SYN2: variants seen among roughly 807,000 people sequenced by gnomAD.
SYN2 encodes the protein synapsin II.
SYN2 carries 19 observed loss-of-function variants against 50.9 expected under a neutral mutation model. The ratio of observed to expected loss-of-function variants is 0.37; its 90% CI spans 0.26 to 0.55. The LOEUF (loss-of-function observed/expected upper bound fraction) is 0.55. SYN2 is among the 20% of genes least tolerant of loss of function. The probability of loss-of-function intolerance (pLI) is 0.81; values close to 1 mark genes in which losing one functional copy is unlikely to be tolerated. For synonymous variants in SYN2, 255 were observed against 224.9 expected, an observed-to-expected ratio of 1.13 and a Z score of -1.20; for missense variants, 587 against 576.4, an observed-to-expected ratio of 1.02 and a Z score of -0.19.
chr3:12,182,962 G>A (rs1292188400), intron 10 of SYN2, among the ~76,000 whole-genome samples: 2 of 152,224 alleles, frequency 1.3e-5, no homozygotes, highest in African/African-American at 4.8e-5. Flanking sequence ...AGCTGGACTT[G>A]GACAGGCATC....
At chr3:12,113,243 C>CA (rs1229789813) in intron 1 of SYN2, among the ~76,000 whole-genome samples, 2 of 151,986 alleles carry the variant, frequency 1.3e-5, no homozygotes, top group African/African-American at 2.4e-5. Flanking sequence ...GAAGAGTGTA[C>CA]GTATGTAACC....
chr3:12,052,549 TATG>T (rs1694888522), intron 1 of SYN2, among the ~76,000 whole-genome samples: 1 of 152,190 alleles, frequency 6.6e-6, no homozygotes, highest in Non-Finnish European at 1.5e-5. Flanking sequence ...AATACAAATT[TATG>T]GAGAAGGAAT....
At chr3:12,011,671 G>C in intron 1 of SYN2, among the ~76,000 whole-genome samples, 1 of 152,196 alleles carries the variant, frequency 6.6e-6, no homozygotes, top group South Asian at 2.1e-4. Flanking sequence ...AAAAGACTTC[G>C]AATTGAGATC....
At chr3:12,109,447 GT>G (rs1383091187) in intron 1 of SYN2, among the ~76,000 whole-genome samples, 1 of 152,076 alleles carries the variant, frequency 6.6e-6, no homozygotes, top group Non-Finnish European at 1.5e-5. Context: ...GATTGAGAAA[GT>G]TTTTTTACCT....
intron 1 of SYN2, among the ~76,000 whole-genome samples, chr3:12,064,677 A>C (rs567533632): frequency 6.6e-6 from 1 of 152,260 alleles, no homozygotes; most frequent in East Asian, 1.9e-4. Flanking sequence ...CCACAATGAG[A>C]TATAACTTTA....
Position 12,145,867 on chromosome 3 carries a change from G to A in SYN2, c.684+32G>A, listed in dbSNP as rs751030194. The A allele has an allele frequency of 1.6e-5, 25 of 1,611,782 alleles. 2 individuals carry two copies. The Admixed American group carries it at 3.5e-4, about 23-fold the overall frequency. ...GAGGCCCCCTTCCCCCAAGTAAAAGGGTAGGATTCAGGCCCTACATCTCCC... is the reference window on the plus strand; with the variant it reads ...GAGGCCCCCTTCCCCCAAGTAAAAGAGTAGGATTCAGGCCCTACATCTCCC... On this transcript the variant is annotated intron_variant, in intron 4 of 12. Coordinates refer to ENST00000621198, the MANE Select transcript of SYN2 (RefSeq NM_133625.6).
intron 7 of SYN2, among the ~76,000 whole-genome samples, chr3:12,166,325 A>G (rs1429632342): frequency 6.6e-6 from 1 of 152,242 alleles, no homozygotes; most frequent in Non-Finnish European, 1.5e-5. Context: ...AAGGCTGATA[A>G]TTAAAAAGAC....
chr3:12,097,566 A>G (rs1362446003), intron 1 of SYN2, among the ~76,000 whole-genome samples: 1 of 151,400 alleles, frequency 6.6e-6, no homozygotes, highest in African/African-American at 2.4e-5. Context: ...AGATCACACC[A>G]CTGCACTCCA....
rs891246985 is a variant in SYN2, at chr3:12,128,202, C to G, written c.378-12449C>G. Among the ~76,000 whole-genome samples, 8 of 152,190 alleles carry G rather than the reference C, an allele frequency of 5.3e-5. 1 individual carries two copies. Among genetic ancestry groups the G allele is most frequent in the African/African-American group, 1.9e-4 (8 of 41,436 alleles). ...TCAAGTAATCCTCCCGCCTCAGTCTCCACAAGTGCTGGGATTACAGGTGTG... is the reference window on the plus strand; with the variant it reads ...TCAAGTAATCCTCCCGCCTCAGTCTGCACAAGTGCTGGGATTACAGGTGTG... On this transcript the variant is annotated intron_variant, in intron 1 of 12. Transcript: ENST00000621198.
chr3:12,142,016 C>A lies in SYN2; in HGVS notation c.527+20C>A, dbSNP rs370255331. The stretch of plus-strand genomic sequence containing the variant: ...TGTCCGGTAAGGGTCTTTCTGTCCT[C>A]AGGATCATTGTGACTGTCTCCAGAG... On this transcript the variant is annotated intron_variant, in intron 3 of 12. Coordinates refer to ENST00000621198, the MANE Select transcript of SYN2 (RefSeq NM_133625.6). 6.4e-6 allele frequency: 5 copies of A among 780,510 alleles called. No homozygotes were observed. In the East Asian group the frequency reaches 9.7e-5, roughly 15 times the overall value. The allele number at this position is 780,510 out of a possible 1,614,324, so 48.3% of individuals were successfully genotyped here. A position where few individuals can be genotyped will look rare whatever the true frequency, so the allele number is the denominator to read the frequency against.
At chr3:12,041,988 T>G (rs975440348) in intron 1 of SYN2, among the ~76,000 whole-genome samples, 1 of 152,224 alleles carries the variant, frequency 6.6e-6, no homozygotes, top group Non-Finnish European at 1.5e-5. Flanking sequence ...AATGCTAGCA[T>G]TGGTCACAGC....
rs1345936028 is a variant in SYN2 at position 12,146,006 on chromosome 3, T to C, written c.684+171T>C. Among the ~76,000 whole-genome samples the C allele has an allele frequency of 2.0e-5, 3 of 152,240 alleles. No homozygotes were observed. The East Asian group carries it at 5.8e-4, about 29-fold the overall frequency. On this transcript the variant is annotated intron_variant, in intron 4 of 12. Transcript: ENST00000621198. ...GCAGTTGGCCCCAGCTAAGAGGATG[T>C]GAGAGGAGCTTCCCCTGGGACATGG... is the stretch of plus-strand genomic sequence containing the variant.
intron 5 of SYN2, chr3:12,159,036 T>C: frequency 4.4e-6 from 3 of 684,110 alleles, no homozygotes; most frequent in South Asian, 4.5e-5. Context: ...TCTTCCGACC[T>C]GCATACTCAG....
At chr3:12,069,631 A>G (rs1695298046) in intron 1 of SYN2, among the ~76,000 whole-genome samples, 1 of 152,016 alleles carries the variant, frequency 6.6e-6, no homozygotes, top group South Asian at 2.1e-4. Flanking sequence ...TAATGTTTTG[A>G]GGAACTGCCA....
At chr3:12,048,926 A>G (rs1179642603) in intron 1 of SYN2, among the ~76,000 whole-genome samples, 1 of 152,180 alleles carries the variant, frequency 6.6e-6, no homozygotes, top group African/African-American at 2.4e-5. Flanking sequence ...TATGGATTTT[A>G]CAATCACTTG....
chr3:12,035,284 C>T (rs1694474082), intron 1 of SYN2, among the ~76,000 whole-genome samples: 1 of 152,204 alleles, frequency 6.6e-6, no homozygotes, highest in African/African-American at 2.4e-5. Flanking sequence ...GGGCTCAGTC[C>T]ATGCAGCAGC....
intron 1 of SYN2, among the ~76,000 whole-genome samples, chr3:12,064,223 T>C (rs1695165846): frequency 6.6e-6 from 1 of 151,818 alleles, no homozygotes; most frequent in Non-Finnish European, 1.5e-5. Flanking sequence ...ATTAAAACTG[T>C]CAAAATTATC....
At chr3:12,086,147 C>T (rs987028140) in intron 1 of SYN2, among the ~76,000 whole-genome samples, 9 of 151,954 alleles carry the variant, frequency 5.9e-5, no homozygotes, top group Non-Finnish European at 1.0e-4. Context: ...TTCCTAAAAA[C>T]CTAGAACCTA....
chr3:12,057,368 T>C (rs911751560), intron 1 of SYN2, among the ~76,000 whole-genome samples: 3 of 151,722 alleles, frequency 2.0e-5, no homozygotes, highest in African/African-American at 4.8e-5. Context: ...AGGGGAATTG[T>C]TTTTCTAGTG....
Sources: allele counts gnomAD v4.1 joint callset (sites outside exome capture counted in the v4.1 genomes callset), GRCh38; gene constraint gnomAD v4.1.1; transcripts MANE v1.5; gene names NCBI Gene and HGNC (gene_info 2026-07-23, HGNC 2026-07-21).